CFAP97: variants seen among roughly 807,000 people sequenced by gnomAD.
The protein encoded by CFAP97 is cilia and flagella associated protein 97.
CFAP97 carries 36 observed loss-of-function variants against 43.1 expected under a neutral mutation model. The ratio of observed to expected loss-of-function variants is 0.84; its 90% CI spans 0.64 to 1.10. The LOEUF is 1.10. Ranked by LOEUF, CFAP97 falls within the 50% of genes least tolerant of loss-of-function variation. CFAP97 has a pLI of 0.00. For synonymous variants in CFAP97, 228 were observed against 225.7 expected, an observed-to-expected ratio of 1.01 and a Z score of -0.09; for missense variants, 657 against 620.3, an observed-to-expected ratio of 1.06 and a Z score of -0.63.
intron 2 of CFAP97, among the ~76,000 whole-genome samples, chr4:185,184,575 C>T (rs6831600): frequency 0.55 from 83,002 of 151,952 alleles, 23,287 homozygotes; most frequent in African/African-American, 0.69. Flanking sequence ...AGCCTAAGAA[C>T]GAAGCCAACA....
At chr4:185,165,930 G>A (rs538044450) in intron 3 of CFAP97, among the ~76,000 whole-genome samples, 419 of 151,836 alleles carry the variant, frequency 2.8e-3, no homozygotes, top group Non-Finnish European at 4.5e-3. Flanking sequence ...GGGCCACTTA[G>A]AAAAGGGAGA....
chr4:185,176,844 CAACTT>C (rs979800596), intron 2 of CFAP97, among the ~76,000 whole-genome samples: 6 of 152,200 alleles, frequency 3.9e-5, no homozygotes, highest in East Asian at 1.9e-4. Flanking sequence ...CCAAAACTCT[CAACTT>C]AACCAGAAAA....
At chr4:185,165,191 T>C (rs2111313828) in intron 3 of CFAP97, among the ~76,000 whole-genome samples, 2 of 152,354 alleles carry the variant, frequency 1.3e-5, no homozygotes, top group South Asian at 4.1e-4. Flanking sequence ...CTCACACCTG[T>C]AGTCCCAGCA....
At chr4:185,210,066 G>C, upstream of CFAP97, 1 of 982,670 alleles carries the variant, frequency 1.0e-6, no homozygotes. The surrounding 1 kb of genome is among the most constrained non-coding windows in gnomAD (Gnocchi z 4.4). Context: ...GCAGCGGGGA[G>C]GCGGCGGGGG....
At chr4:185,172,835 G>A (rs1232360673) in intron 3 of CFAP97, among the ~76,000 whole-genome samples, 2 of 127,448 alleles carry the variant, frequency 1.6e-5, no homozygotes, top group Non-Finnish European at 3.2e-5. Flanking sequence ...GCAACAAAGT[G>A]AGATCCCATC....
chr4:185,170,258 A>T (rs1420530853), intron 3 of CFAP97: 3 of 655,460 alleles, frequency 4.6e-6, no homozygotes, highest in Non-Finnish European at 8.3e-6. Context: ...AGGCAGGAGA[A>T]TCACTTGAAC....
intron 3 of CFAP97, chr4:185,169,436 CT>C: frequency 3.7e-6 from 1 of 267,956 alleles, no homozygotes; most frequent in Non-Finnish European, 5.8e-6. Flanking sequence ...TCTGCTTCGC[CT>C]TCCAGCATGA....
At chr4:185,193,270 C>T (rs1666381339) in intron 1 of CFAP97, among the ~76,000 whole-genome samples, 1 of 152,156 alleles carries the variant, frequency 6.6e-6, no homozygotes, top group South Asian at 2.1e-4. Flanking sequence ...GACAAACATA[C>T]ATAAAAATGA....
At chr4:185,178,502 C>G (rs1735650560) in intron 2 of CFAP97, among the ~76,000 whole-genome samples, 1 of 151,980 alleles carries the variant, frequency 6.6e-6, no homozygotes, top group Non-Finnish European at 1.5e-5. Context: ...GCCTCGGCCT[C>G]CCAAAGTGCT....
rs371978827 is a variant in CFAP97, at chr4:185,190,726, G to A, written c.471C>T (p.Asn157=). ...ACTTTTTCCTTATGCTTTTTTTAACGTTAGTAGATGGTTTAGCGGACTTGG... is the reference window on the plus strand; with the variant it reads ...ACTTTTTCCTTATGCTTTTTTTAACATTAGTAGATGGTTTAGCGGACTTGG... ...VKSKSAKPST[N]VKKSIRKKYC... Residue 157 remains asparagine (N), a synonymous_variant, in exon 2 of 5, where the codon AAC becomes AAT. Coordinates refer to ENST00000458385, the MANE Select transcript of CFAP97 (RefSeq NM_020827.3). The A allele has an allele frequency of 2.2e-5, 35 of 1,576,880 alleles. No individual in the cohort carries two copies. The highest frequency in any genetic ancestry group is 2.0e-4 in the African/African-American group (15 of 74,446).
Position 185,176,012 on chromosome 4 carries a change from T to C in CFAP97, c.1094A>G (p.His365Arg), listed in dbSNP as rs199637576. The C allele has an allele frequency of 1.7e-5, 28 of 1,609,708 alleles. No individual in the cohort carries two copies. The highest frequency in any genetic ancestry group is 3.3e-4 in the Middle Eastern group (2 of 6,064). The change falls in exon 3 of 5, where the codon CAC (histidine) becomes CGC (arginine). Residue 365 changes from histidine (H) to arginine (R), a missense_variant. By Grantham distance (29) the His-to-Arg change is conservative. Coordinates refer to ENST00000458385, the MANE Select transcript of CFAP97 (RefSeq NM_020827.3). The stretch of plus-strand genomic sequence containing the variant: ...GGGTGCTACTGAAGGCTGATCAAAG[T>C]GATGTTTTTGTGGTCCTTTTTTATC... ...QLDKKGPQKH[H>R]FDQPSVAPGK...
chr4:185,186,551 C>T (rs1183277481), intron 2 of CFAP97, among the ~76,000 whole-genome samples: 1 of 152,144 alleles, frequency 6.6e-6, no homozygotes, highest in Non-Finnish European at 1.5e-5. Flanking sequence ...GGCATATTTT[C>T]TATACATCCT....
At chr4:185,200,570 G>C (rs948721482) in intron 1 of CFAP97, among the ~76,000 whole-genome samples, 5 of 152,056 alleles carry the variant, frequency 3.3e-5, no homozygotes, top group African/African-American at 1.2e-4. Flanking sequence ...AACCTGGGAG[G>C]TAGAGGTTGC....
intron 2 of CFAP97, among the ~76,000 whole-genome samples, chr4:185,188,761 G>C (rs1277363568): frequency 6.6e-6 from 1 of 152,104 alleles, no homozygotes; most frequent in Non-Finnish European, 1.5e-5. Context: ...TTGAGGGCAT[G>C]AATAGAAAAC....
intron 2 of CFAP97, among the ~76,000 whole-genome samples, chr4:185,181,320 C>CTTTT (rs778362979): frequency 1.7e-4 from 17 of 99,206 alleles, no homozygotes; most frequent in African/African-American, 3.7e-4. Context: ...CATAATCATA[C>CTTTT]TTTTTTTTTT....
intron 2 of CFAP97, among the ~76,000 whole-genome samples, chr4:185,178,248 T>C (rs1735635929): frequency 7.1e-6 from 1 of 140,010 alleles, no homozygotes; most frequent in African/African-American, 2.7e-5. Flanking sequence ...GTCTTTTTTT[T>C]TTTTTTTTTT....
intron 3 of CFAP97, among the ~76,000 whole-genome samples, chr4:185,174,911 T>C (rs899034410): frequency 1.4e-4 from 21 of 152,344 alleles, no homozygotes; most frequent in African/African-American, 4.6e-4. Context: ...AAATATGCTA[T>C]AATAGTTTTA....
intron 1 of CFAP97, among the ~76,000 whole-genome samples, chr4:185,195,850 T>G (rs1736514558): frequency 6.6e-6 from 1 of 152,168 alleles, no homozygotes; most frequent in Non-Finnish European, 1.5e-5. Flanking sequence ...AAATGTCACC[T>G]TTTTTTGTGA....
In CFAP97 at chr4:185,160,985, T is replaced by G. The variant is rs1180917680; in HGVS notation, c.*1813A>C. 1.3e-5 allele frequency: 2 copies of G among 150,508 alleles called. No homozygotes were observed. Among genetic ancestry groups the G allele is most frequent in the African/African-American group, 4.9e-5 (2 of 41,182 alleles). 9.3% of individuals were successfully genotyped at this position (150,508 alleles called of 1,614,324 possible). On this transcript the variant is annotated 3_prime_UTR_variant, in exon 5 of 5. Coordinates refer to ENST00000458385, the MANE Select transcript of CFAP97 (RefSeq NM_020827.3). ...ACTTAAAAATCAATTTTAAAAAAACTGATTAATTCACTATTGGACAGATGT... is the reference window on the plus strand; with the variant it reads ...ACTTAAAAATCAATTTTAAAAAAACGGATTAATTCACTATTGGACAGATGT...
Sources: gnomAD v4.1 joint callset for allele counts (sites outside exome capture counted in the v4.1 genomes callset) on GRCh38, gnomAD v4.1.1 for gene constraint, Gnocchi (gnomAD v3.1) non-coding constraint, MANE v1.5 for transcripts, NCBI Gene and HGNC (gene_info 2026-07-23, HGNC 2026-07-21) for gene names.